UBE2E1: variants seen among roughly 807,000 people sequenced by gnomAD.
UBE2E1 encodes the protein ubiquitin-conjugating enzyme E2 E1.
In UBE2E1, 6 loss-of-function variants were observed where a neutral mutation model predicts 21.4. The observed-to-expected ratio is 0.28, with a 90% CI of 0.15 to 0.55. The LOEUF (loss-of-function observed/expected upper bound fraction) is 0.55. UBE2E1 is among the 20% of genes least tolerant of loss of function. The pLI is 0.93. For missense variants in UBE2E1, 142 were observed against 236.5 expected, an observed-to-expected ratio of 0.60 and a Z score of 2.62; for synonymous variants, 87 against 82.7, an observed-to-expected ratio of 1.05 and a Z score of -0.28.
rs1700936998 is a variant in UBE2E1 at position 23,877,246 on chromosome 3, A to C, written c.204-10321A>C. ...TCTACAGAACATTCAGGGTATATGCAAATTAACTTTTAATAATAACAACAG... is the reference window on the plus strand; with the variant it reads ...TCTACAGAACATTCAGGGTATATGCCAATTAACTTTTAATAATAACAACAG... On this transcript the variant is annotated intron_variant, in intron 3 of 5. Coordinates refer to ENST00000306627, the MANE Select transcript of UBE2E1 (RefSeq NM_003341.5). 5.3e-5 allele frequency among the ~76,000 whole-genome samples: 8 copies of C among 152,096 alleles called. 1 individual carries two copies. Among genetic ancestry groups the C allele is most frequent in the Admixed American group, 3.3e-4 (5 of 15,238 alleles).
intron 3 of UBE2E1, among the ~76,000 whole-genome samples, chr3:23,846,350 G>C (rs907026883): frequency 2.6e-5 from 4 of 152,026 alleles, no homozygotes; most frequent in African/African-American, 4.8e-5. Flanking sequence ...GATTGCTTGA[G>C]GCTAGGAGTT....
intron 3 of UBE2E1, among the ~76,000 whole-genome samples, chr3:23,847,487 A>ATT (rs1700232376): frequency 7.2e-6 from 1 of 137,992 alleles, no homozygotes; most frequent in Admixed American, 7.5e-5. Context: ...ATGTACTTTA[A>ATT]ATTTTTTTTT....
chr3:23,847,424 A>G (rs1334867749), intron 3 of UBE2E1, among the ~76,000 whole-genome samples: 2 of 152,104 alleles, frequency 1.3e-5, no homozygotes, highest in Non-Finnish European at 2.9e-5. Context: ...AAGGGTAGAA[A>G]TACCCTGTGG....
Position 23,810,599 on chromosome 3 carries a change from C to T in UBE2E1, c.153-861C>T. The T allele has an allele frequency of 1.4e-6, 2 of 1,433,976 alleles. No individual in the cohort carries two copies. Among genetic ancestry groups the T allele is most frequent in the Middle Eastern group, 2.0e-4 (1 of 5,062 alleles). 88.8% of individuals were successfully genotyped at this position (1,433,976 alleles called of 1,614,324 possible). A position where few individuals can be genotyped will look rare whatever the true frequency, so the allele number is the denominator to read the frequency against. On this transcript the variant is annotated intron_variant, in intron 2 of 5. Coordinates refer to ENST00000306627, the MANE Select transcript of UBE2E1 (RefSeq NM_003341.5). This position sits in a 1 kb window ranked among gnomAD's most constrained non-coding sequence, Gnocchi z 5.8. ...GGCAGGGTCCGGTGCACCTGTGCGG[C>T]CGCGGGCCGGCCACTTGGGGTCTGT...
At chr3:23,839,862 C>G (rs1253375776) in intron 3 of UBE2E1, among the ~76,000 whole-genome samples, 2 of 152,070 alleles carry the variant, frequency 1.3e-5, no homozygotes, top group Non-Finnish European at 2.9e-5. Flanking sequence ...AAGAATTACT[C>G]TTTATCACTG....
In UBE2E1 at chr3:23,811,401, G is replaced by A. The variant is rs185636477; in HGVS notation, c.153-59G>A. 2,606 of 1,552,294 alleles carry A rather than the reference G, an allele frequency of 1.7e-3. 4 individuals are homozygous for A. The highest frequency in any genetic ancestry group is 5.0e-3 in the African/African-American group (367 of 73,746). On this transcript the variant is annotated intron_variant, in intron 2 of 5. Transcript: ENST00000306627. Reference sequence around the variant, plus strand: ...ATCTGCAGACCTGCACGCTACAGGTGGGAGGCTTCCGCGCCTTAATGCTTC... The same window carrying A: ...ATCTGCAGACCTGCACGCTACAGGTAGGAGGCTTCCGCGCCTTAATGCTTC...
At chr3:23,869,724 C>CAAAA (rs5847258) in intron 3 of UBE2E1, among the ~76,000 whole-genome samples, 1 of 76,874 alleles carries the variant, frequency 1.3e-5, no homozygotes, top group Non-Finnish European at 2.6e-5. Flanking sequence ...GACCCTGTGT[C>CAAAA]AAAAAAAAAA....
In UBE2E1 at chr3:23,822,785, G is replaced by A. The variant is rs553641521; in HGVS notation, c.203+11275G>A. On this transcript the variant is annotated intron_variant, in intron 3 of 5. Transcript: ENST00000306627. ...GATATATGTATTTACTTTTAACACA[G>A]CATAAGTTACTCATCATATTTAATG... Among the ~76,000 whole-genome samples, 288 of 152,294 alleles carry A rather than the reference G, an allele frequency of 1.9e-3. 2 individuals carry two copies. The Middle Eastern group carries it at 0.024, about 13-fold the overall frequency.
chr3:23,811,381 C>A, intron 2 of UBE2E1, 79 bp from the exon 3 acceptor site: 2 of 1,384,356 alleles, frequency 1.4e-6, no homozygotes, highest in Non-Finnish European at 2.1e-6. Context: ...GGTTTATCTG[C>A]AGACCTGCAC....
In UBE2E1 at chr3:23,863,384, C is replaced by T. The variant is rs923874142; in HGVS notation, c.204-24183C>T. 1.1e-4 allele frequency among the ~76,000 whole-genome samples: 17 copies of T among 152,224 alleles called. No individual in the cohort carries two copies. The East Asian group carries it at 3.3e-3, about 29-fold the overall frequency. ...CCTCCCTCCCCAAGTTATTCTCTCA[C>T]CTTTTCCCCTCTCCCTTTCTCCCTC... On this transcript the variant is annotated intron_variant, in intron 3 of 5. Transcript: ENST00000306627. This position sits in a 1 kb window ranked among gnomAD's most constrained non-coding sequence, Gnocchi z 4.3.
chr3:23,832,033 T>G (rs556108830), intron 3 of UBE2E1, among the ~76,000 whole-genome samples: 39 of 152,308 alleles, frequency 2.6e-4, no homozygotes, highest in African/African-American at 7.9e-4. Flanking sequence ...GGAAGAAAAC[T>G]TAGTCATTTA....
chr3:23,812,069 T>G (rs1258061860), intron 3 of UBE2E1, among the ~76,000 whole-genome samples: 1 of 152,178 alleles, frequency 6.6e-6, no homozygotes, highest in African/African-American at 2.4e-5. Context: ...TTCACTTGCT[T>G]TATTCAGACT....
rs1003334387 is a variant in UBE2E1 at position 23,810,152 on chromosome 3, A to AT, written c.153-1301dup. Among the ~76,000 whole-genome samples, 7 of 152,180 alleles carry AT rather than the reference A, an allele frequency of 4.6e-5. No individual in the cohort carries two copies. The highest frequency in any genetic ancestry group is 2.0e-4 in the Admixed American group (3 of 15,274). On this transcript the variant is annotated intron_variant, in intron 2 of 5. Coordinates refer to ENST00000306627, the MANE Select transcript of UBE2E1 (RefSeq NM_003341.5). This position sits in a 1 kb window ranked among gnomAD's most constrained non-coding sequence, Gnocchi z 5.8. ...AGATTGCTCTGTGTGTGTGTTTAAAATTTTTTTAACTACAGTGCTGCCTCG... is the reference window on the plus strand; with the variant it reads ...AGATTGCTCTGTGTGTGTGTTTAAAATTTTTTTTAACTACAGTGCTGCCTCG...
At chr3:23,879,058 A>AC in intron 3 of UBE2E1, 1 of 503,650 alleles carries the variant, frequency 2.0e-6, no homozygotes, top group Non-Finnish European at 4.0e-6. Context: ...CCCCTTGCCA[A>AC]CAATGTATCA....
At chr3:23,834,743 G>GA (rs954084936) in intron 3 of UBE2E1, among the ~76,000 whole-genome samples, 7 of 150,564 alleles carry the variant, frequency 4.6e-5, no homozygotes, top group East Asian at 3.9e-4. Context: ...AATAAAAAAG[G>GA]AAAAAAAAAC....
Position 23,814,413 on chromosome 3 carries a change from TTAAG to T in UBE2E1, c.203+2910_203+2913del, listed in dbSNP as rs139519684. ...TTCAATGACCTGGTCCAAAGTCATT[TTAAG>T]TAAGTATTTTCAAACTGCTTTATGT... is the stretch of plus-strand genomic sequence containing the variant. On this transcript the variant is annotated intron_variant, in intron 3 of 5. Transcript: ENST00000306627. Among the ~76,000 whole-genome samples, 437 of 152,360 alleles carry T rather than the reference TTAAG, an allele frequency of 2.9e-3. 10 individuals carry two copies. In the East Asian group the frequency reaches 0.044, roughly 15 times the overall value.
At chr3:23,848,819 A>T (rs4621280) in intron 3 of UBE2E1, among the ~76,000 whole-genome samples, 1 of 151,084 alleles carries the variant, frequency 6.6e-6, no homozygotes, top group Non-Finnish European at 1.5e-5. Flanking sequence ...AACTGGAATC[A>T]AAGGGGGAGA....
intron 3 of UBE2E1, among the ~76,000 whole-genome samples, chr3:23,843,507 A>G (rs943035612): frequency 1.3e-5 from 2 of 152,216 alleles, no homozygotes; most frequent in South Asian, 2.1e-4. Flanking sequence ...TGAACACACA[A>G]TTAAGTATTT....
At chr3:23,866,910 G>A (rs965083475) in intron 3 of UBE2E1, among the ~76,000 whole-genome samples, 3 of 152,172 alleles carry the variant, frequency 2.0e-5, no homozygotes, top group Non-Finnish European at 4.4e-5. Flanking sequence ...AACAACTTTT[G>A]TGTTGAGTCC....
Sources: allele counts gnomAD v4.1 joint callset (sites outside exome capture counted in the v4.1 genomes callset), GRCh38; gene constraint gnomAD v4.1.1; non-coding constraint Gnocchi (gnomAD v3.1); transcripts MANE v1.5; gene names NCBI Gene and HGNC (gene_info 2026-07-23, HGNC 2026-07-21).